TRRAP: variants seen among roughly 807,000 people sequenced by gnomAD.
TRRAP encodes the protein transformation/transcription domain-associated protein.
Under a neutral mutation model 438.8 loss-of-function variants are expected in TRRAP, and 41 were observed. The observed-to-expected ratio is 0.09, with a 90% CI of 0.07 to 0.12. TRRAP has a LOEUF of 0.12. Ranked by LOEUF, TRRAP falls within the 10% of genes least tolerant of loss-of-function variation. The pLI is 1.00. For synonymous variants in TRRAP, 1,994 were observed against 1,962.9 expected (o/e 1.02, Z -0.42); for missense variants, 3,122 against 5,055.1 (o/e 0.62, Z 11.60).
chr7:98,978,163 G>A, intron 56 of TRRAP, 48 bp from the exon 57 acceptor site: 1 of 1,468,048 alleles, frequency 6.8e-7, no homozygotes, highest in Non-Finnish European at 9.4e-7. Flanking sequence ...AGAAAGAAAA[G>A]GTGTGTTTCT....
intron 19 of TRRAP, 143 bp downstream of exon 19, chr7:98,916,031 CT>C (rs1789504935): frequency 8.9e-7 from 1 of 1,120,514 alleles, no homozygotes; most frequent in East Asian, 2.6e-5. Context: ...CGCCGCCCCC[CT>C]GCCCCCCTCC....
At chr7:98,920,282 C>A in intron 20 of TRRAP, among the ~76,000 whole-genome samples, 1 of 151,910 alleles carries the variant, frequency 6.6e-6, no homozygotes, top group East Asian at 1.9e-4. Flanking sequence ...ACCAGCCTGG[C>A]CAACAAGGTG....
Position 98,976,834 on chromosome 7 carries a change from A to G in TRRAP, c.8247+64A>G. On this transcript the variant is annotated intron_variant, in intron 55 of 72. Transcript: ENST00000456197. This position sits in a 1 kb window ranked among gnomAD's most constrained non-coding sequence, Gnocchi z 4.6. ...GCCAGTGACTTCACACTTTAAATAAATACTCCTCCCAAATGATTTCAAATG... is the reference window on the plus strand; with the variant it reads ...GCCAGTGACTTCACACTTTAAATAAGTACTCCTCCCAAATGATTTCAAATG... The G allele has an allele frequency of 6.2e-7, 1 of 1,600,442 alleles. No individual in the cohort carries two copies. The highest frequency in any genetic ancestry group is 8.5e-7 in the Non-Finnish European group (1 of 1,171,974).
intron 31 of TRRAP, among the ~76,000 whole-genome samples, chr7:98,945,420 C>G (rs782659288): frequency 7.9e-5 from 12 of 152,154 alleles, no homozygotes; most frequent in Non-Finnish European, 1.2e-4. Flanking sequence ...GTTCACTCTA[C>G]AAAAGACTTT....
At chr7:98,932,946 A>G (rs182181866) in intron 26 of TRRAP, among the ~76,000 whole-genome samples, 1 of 151,680 alleles carries the variant, frequency 6.6e-6, no homozygotes, top group African/African-American at 2.4e-5. Flanking sequence ...AGCATTCCTG[A>G]GGCTATAGCA....
At chr7:98,885,105 T>G (rs1554403759) in intron 3 of TRRAP, among the ~76,000 whole-genome samples, 1 of 152,088 alleles carries the variant, frequency 6.6e-6, no homozygotes, top group Admixed American at 6.6e-5. Context: ...TTTCCGATTT[T>G]TATTGTTTAT....
intron 21 of TRRAP, among the ~76,000 whole-genome samples, chr7:98,922,567 G>T (rs951581812): frequency 6.6e-6 from 1 of 151,872 alleles, no homozygotes; most frequent in Admixed American, 6.6e-5. Context: ...CCATCGTCAC[G>T]TTGGCTTTTC....
intron 46 of TRRAP, 107 bp from the exon 47 acceptor site, chr7:98,962,195 G>A (rs942941290): frequency 1.5e-5 from 24 of 1,548,510 alleles, no homozygotes; most frequent in Non-Finnish European, 1.8e-5. Flanking sequence ...AGAAGTGCCC[G>A]TGCCAATCCC....
chr7:98,988,656 A>C, intron 62 of TRRAP, 109 bp from the exon 63 acceptor site: 3 of 1,319,676 alleles, frequency 2.3e-6, no homozygotes, highest in Non-Finnish European at 3.1e-6. Context: ...CAACATTGTG[A>C]ATGGACCAAA....
In TRRAP at chr7:98,910,172, T is replaced by C. The variant is rs373938344; in HGVS notation, c.1467T>C (p.Thr489=). 19 of 1,611,662 alleles carry C rather than the reference T, an allele frequency of 1.2e-5. No homozygotes were observed. In the African/African-American group the frequency reaches 2.1e-4, roughly 18 times the overall value. Reference sequence around the variant, plus strand: ...AAGCAGCTCTGCCTGGGGTGCCCACTGCCCCTGCAGCTCCTGGCCCTGCTC... The same window carrying C: ...AAGCAGCTCTGCCTGGGGTGCCCACCGCCCCTGCAGCTCCTGGCCCTGCTC... ...AVEAALPGVP[T]APAAPGPAPS... Residue 489 remains threonine, a synonymous_variant, in exon 15 of 73, where the codon ACT becomes ACC. Transcript: ENST00000456197.
Position 98,999,320 on chromosome 7 carries a change from A to G in TRRAP, c.10309+4472A>G, listed in dbSNP as rs1488345827. On this transcript the variant is annotated intron_variant, in intron 67 of 72. Transcript: ENST00000456197. Reference sequence around the variant, plus strand: ...AGCATTTTATCTGCTAAGCTTGATCAAAGTCCAAGATTTCCTGGATCAGAC... The same window carrying G: ...AGCATTTTATCTGCTAAGCTTGATCGAAGTCCAAGATTTCCTGGATCAGAC... The G allele has an allele frequency of 1.2e-5, 16 of 1,372,058 alleles. No homozygotes were observed. The East Asian group carries it at 1.8e-4, about 16-fold the overall frequency. The allele number at this position is 1,372,058 out of a possible 1,614,324, so 85.0% of individuals were successfully genotyped here.
At chr7:98,950,340 T>G (rs1554417954) in intron 38 of TRRAP, 78 bp downstream of exon 38, 1 of 1,509,804 alleles carries the variant, frequency 6.6e-7, no homozygotes, top group Non-Finnish European at 9.0e-7. Flanking sequence ...CCTTTTCTTT[T>G]TTTGCTGTGT....
intron 27 of TRRAP, 61 bp from the exon 28 acceptor site, chr7:98,935,518 G>T: frequency 2.1e-6 from 3 of 1,455,078 alleles, no homozygotes; most frequent in Non-Finnish European, 2.9e-6. Flanking sequence ...TCTGTTATTT[G>T]CAAGGTTATT....
intron 40 of TRRAP, among the ~76,000 whole-genome samples, chr7:98,954,843 T>G (rs1274610391): frequency 1.3e-5 from 2 of 152,228 alleles, no homozygotes; most frequent in African/African-American, 4.8e-5. Context: ...TGCAGGGAGC[T>G]TGGTCTTACC....
chr7:99,000,455 A>G (rs975244791), intron 67 of TRRAP, among the ~76,000 whole-genome samples: 1 of 152,256 alleles, frequency 6.6e-6, no homozygotes, highest in Non-Finnish European at 1.5e-5. Flanking sequence ...CAAGCCGGAA[A>G]CTGCTACCCC....
Position 99,011,951 on chromosome 7 carries a change from C to G in TRRAP, c.11338-120C>G. The G allele has an allele frequency of 1.5e-6, 2 of 1,326,186 alleles. No individual in the cohort carries two copies. 82.2% of individuals were successfully genotyped at this position (1,326,186 alleles called of 1,614,324 possible). A position where few individuals can be genotyped will look rare whatever the true frequency, so the allele number is the denominator to read the frequency against. ...CACACAGCCTGGCCTGGTGCTGAAA[C>G]TCGACTGGCCCTTGGTGGCCCTGAG... On this transcript the variant is annotated intron_variant, in intron 72 of 72. Transcript: ENST00000456197. The surrounding 1 kb of genome is among the most constrained non-coding windows in gnomAD (Gnocchi z 7.1).
At chr7:98,910,636 C>T (rs1489072520) in intron 16 of TRRAP, 29 bp downstream of exon 16, 20 of 1,580,132 alleles carry the variant, frequency 1.3e-5, no homozygotes, top group Non-Finnish European at 1.6e-5. Flanking sequence ...GCCAGGCTTT[C>T]GCATATGGAA....
chr7:98,977,249 C>T (rs1261817781), intron 56 of TRRAP, among the ~76,000 whole-genome samples, 173 bp downstream of exon 56: 2 of 152,164 alleles, frequency 1.3e-5, no homozygotes, highest in Non-Finnish European at 2.9e-5. Flanking sequence ...GCAACCTCCA[C>T]CTCCCAGGTT....
intron 67 of TRRAP, chr7:98,998,918 T>C: frequency 2.0e-6 from 1 of 493,522 alleles, no homozygotes; most frequent in South Asian, 3.4e-5. Flanking sequence ...CCATGGTAGG[T>C]CAGTCTGCAC....
Sources: gnomAD v4.1 joint callset for allele counts (sites outside exome capture counted in the v4.1 genomes callset) on GRCh38, gnomAD v4.1.1 for gene constraint, Gnocchi (gnomAD v3.1) non-coding constraint, MANE v1.5 for transcripts, NCBI Gene and HGNC (gene_info 2026-07-23, HGNC 2026-07-21) for gene names.